CDH13: variants seen among roughly 807,000 people sequenced by gnomAD.
CDH13 encodes the protein cadherin-13.
In CDH13, 24 loss-of-function variants were observed where a neutral mutation model predicts 63.8. The ratio of observed to expected loss-of-function variants is 0.38; its 90% CI spans 0.27 to 0.53. CDH13 has a LOEUF of 0.53. Ranked by LOEUF, CDH13 falls within the 20% of genes least tolerant of loss-of-function variation. The probability of loss-of-function intolerance (pLI) is 0.85; values close to 1 mark genes in which losing one functional copy is unlikely to be tolerated. For missense variants in CDH13, 1,049 were observed against 903.1 expected, an observed-to-expected ratio of 1.16 and a Z score of -2.07; for synonymous variants, 503 against 355.3, an observed-to-expected ratio of 1.42 and a Z score of -4.67.
At chr16:83,035,935 C>A (rs561427916) in intron 3 of CDH13, among the ~76,000 whole-genome samples, 1 of 152,164 alleles carries the variant, frequency 6.6e-6, no homozygotes, top group Non-Finnish European at 1.5e-5. Context: ...TTACTATGTG[C>A]TAAACCCTGG....
intron 7 of CDH13, among the ~76,000 whole-genome samples, chr16:83,556,732 C>G (rs1222681192): frequency 6.6e-6 from 1 of 152,188 alleles, no homozygotes; most frequent in Non-Finnish European, 1.5e-5. Flanking sequence ...ATTGGCCTGG[C>G]TTCGATAACT....
In CDH13 at chr16:83,505,312, T is replaced by C. The variant is rs546979952; in HGVS notation, c.960+18657T>C. On this transcript the variant is annotated intron_variant, in intron 7 of 13. Coordinates refer to ENST00000567109, the MANE Select transcript of CDH13 (RefSeq NM_001257.5). The stretch of plus-strand genomic sequence containing the variant: ...AGGATAATTCAATCTATCCTCACCT[T>C]AGTGTACGCTGGACAACACTAGGAC... Among the ~76,000 whole-genome samples, 44 of 152,284 alleles carry C rather than the reference T, an allele frequency of 2.9e-4. No homozygotes were observed. In the South Asian group the frequency reaches 8.5e-3, roughly 29 times the overall value.
intron 3 of CDH13, among the ~76,000 whole-genome samples, chr16:83,087,178 T>C (rs2033644087): frequency 6.6e-6 from 1 of 152,144 alleles, no homozygotes; most frequent in Non-Finnish European, 1.5e-5. Context: ...TAAAATTGAT[T>C]TTTTTAATTC....
At chr16:83,609,216 A>G (rs1404339843) in intron 8 of CDH13, among the ~76,000 whole-genome samples, 1 of 152,166 alleles carries the variant, frequency 6.6e-6, no homozygotes, top group East Asian at 1.9e-4. Flanking sequence ...ACAAATTCGT[A>G]AACTTTCTTA....
intron 2 of CDH13, among the ~76,000 whole-genome samples, chr16:83,027,327 T>C (rs1048543997): frequency 6.6e-6 from 1 of 152,128 alleles, no homozygotes; most frequent in Non-Finnish European, 1.5e-5. Context: ...ATTGATATAA[T>C]ATAAAAGGTT....
intron 5 of CDH13, among the ~76,000 whole-genome samples, chr16:83,329,763 G>A (rs1452171943): frequency 6.6e-6 from 1 of 152,106 alleles, no homozygotes; most frequent in Admixed American, 6.5e-5. Flanking sequence ...CATATAAGTG[G>A]AATCACACAG....
chr16:82,966,645 A>G (rs1449747334), intron 2 of CDH13, among the ~76,000 whole-genome samples: 1 of 152,178 alleles, frequency 6.6e-6, no homozygotes, highest in Admixed American at 6.5e-5. Context: ...ATGAATTCAG[A>G]CTTACAGGAA....
At chr16:82,696,728 A>G (rs1016621215) in intron 1 of CDH13, among the ~76,000 whole-genome samples, 2 of 152,174 alleles carry the variant, frequency 1.3e-5, no homozygotes, top group African/African-American at 4.8e-5. Flanking sequence ...TTAATTATCT[A>G]TTGTTGCATT....
intron 4 of CDH13, among the ~76,000 whole-genome samples, chr16:83,141,817 T>A (rs1340177756): frequency 1.3e-5 from 2 of 152,222 alleles, no homozygotes; most frequent in Non-Finnish European, 2.9e-5. Flanking sequence ...GCTTCCAGCT[T>A]TATCCATGTC....
intron 10 of CDH13, among the ~76,000 whole-genome samples, chr16:83,701,742 C>G (rs1906263406): frequency 6.6e-6 from 1 of 152,192 alleles, no homozygotes. Flanking sequence ...TCAGCACCCA[C>G]CAATTGCCCA....
chr16:83,262,839 G>T (rs555016280), intron 5 of CDH13, among the ~76,000 whole-genome samples: 11 of 152,204 alleles, frequency 7.2e-5, no homozygotes, highest in African/African-American at 2.6e-4. Context: ...TTCTCCCAAC[G>T]CTTTTATGTT....
chr16:82,918,179 C>T (rs542388837), intron 2 of CDH13, among the ~76,000 whole-genome samples: 70 of 152,248 alleles, frequency 4.6e-4, no homozygotes, highest in Admixed American at 4.6e-3. Context: ...AGAAAATAAT[C>T]ATCACCCTGC....
rs550485391 is a variant in CDH13, at chr16:83,217,327, C to G, written c.484-18C>G. The stretch of plus-strand genomic sequence containing the variant: ...GTTTTCCAGGCAGTTTTAAATGTCT[C>G]TCTGTTTTTCTGACTAGGTAGTCGA... On this transcript the variant is annotated intron_variant, in intron 4 of 13. Coordinates refer to ENST00000567109, the MANE Select transcript of CDH13 (RefSeq NM_001257.5). 4.5e-5 allele frequency: 73 copies of G among 1,613,544 alleles called. 1 individual carries two copies. In the South Asian group the frequency reaches 6.6e-4, roughly 15 times the overall value.
chr16:83,350,140 T>A (rs2090921262), intron 6 of CDH13, among the ~76,000 whole-genome samples: 1 of 152,196 alleles, frequency 6.6e-6, no homozygotes, highest in Non-Finnish European at 1.5e-5. Flanking sequence ...AAACCTGGGA[T>A]CCATCAGCTC....
At chr16:83,349,428 A>G (rs1033441786) in intron 6 of CDH13, among the ~76,000 whole-genome samples, 3 of 152,018 alleles carry the variant, frequency 2.0e-5, no homozygotes, top group African/African-American at 7.3e-5. Context: ...GGCACCTTTG[A>G]GAATGGCTGA....
At chr16:82,999,780 A>G (rs959648347) in intron 2 of CDH13, among the ~76,000 whole-genome samples, 7 of 152,162 alleles carry the variant, frequency 4.6e-5, no homozygotes, top group Admixed American at 1.3e-4. Flanking sequence ...TAACGTTTCC[A>G]TATATCTCTG....
At chr16:82,652,144 G>A (rs1311918286) in intron 1 of CDH13, among the ~76,000 whole-genome samples, 1 of 152,200 alleles carries the variant, frequency 6.6e-6, no homozygotes, top group Non-Finnish European at 1.5e-5. Context: ...CAAGATTTAG[G>A]TTCTGAAAAG....
chr16:83,424,695 A>G (rs983921656), intron 6 of CDH13, among the ~76,000 whole-genome samples: 1 of 152,262 alleles, frequency 6.6e-6, no homozygotes, highest in Non-Finnish European at 1.5e-5. Context: ...TTAGTCCTAG[A>G]CAAATGCTCT....
intron 1 of CDH13, among the ~76,000 whole-genome samples, chr16:82,843,877 T>G (rs1000643716): frequency 3.9e-5 from 6 of 152,228 alleles, no homozygotes; most frequent in Non-Finnish European, 5.9e-5. Flanking sequence ...TCTGTGACTA[T>G]GCACCATCAG....
Sources: gnomAD v4.1 joint callset for allele counts (sites outside exome capture counted in the v4.1 genomes callset) on GRCh38, gnomAD v4.1.1 for gene constraint, MANE v1.5 for transcripts, NCBI Gene and HGNC (gene_info 2026-07-23, HGNC 2026-07-21) for gene names.